Variants in CNTNAP2 observed in about 807,000 individuals in gnomAD.
CNTNAP2 encodes the protein contactin associated protein 2, also known as contactin-associated protein-like 2.
A neutral mutation model predicts 155.2 loss-of-function variants in CNTNAP2; 98 were observed. The ratio of observed to expected loss-of-function variants is 0.63; its 90% CI spans 0.54 to 0.75. CNTNAP2 has a LOEUF of 0.75. Among genes scored for constraint, CNTNAP2 ranks in the 30% least tolerant of loss-of-function variants. The pLI is 0.00. For missense variants in CNTNAP2, 1,727 were observed against 1,688.1 expected, an observed-to-expected ratio of 1.02 and a Z score of -0.40; for synonymous variants, 651 against 631.2, an observed-to-expected ratio of 1.03 and a Z score of -0.47.
At chr7:147,745,348 T>G (rs1176930071) in intron 13 of CNTNAP2, among the ~76,000 whole-genome samples, 1 of 152,208 alleles carries the variant, frequency 6.6e-6, no homozygotes, top group Admixed American at 6.5e-5. Flanking sequence ...CCTCTCCAGT[T>G]CAAGTATGTA....
intron 15 of CNTNAP2, among the ~76,000 whole-genome samples, chr7:148,055,370 T>C (rs1205602983): frequency 6.6e-6 from 1 of 152,228 alleles, no homozygotes; most frequent in Non-Finnish European, 1.5e-5. Flanking sequence ...GAAATTATTC[T>C]TCTGTTTTCT....
chr7:147,093,072 CATATAT>C (rs10596701), intron 4 of CNTNAP2, among the ~76,000 whole-genome samples: 1 of 144,638 alleles, frequency 6.9e-6, no homozygotes. Flanking sequence ...AATACAAATA[CATATAT>C]ATATATATAT....
At chr7:147,131,969 A>T (rs1044908514) in intron 7 of CNTNAP2, among the ~76,000 whole-genome samples, 1 of 152,032 alleles carries the variant, frequency 6.6e-6, no homozygotes, top group African/African-American at 2.4e-5. Context: ...ACTCATGGTC[A>T]GCCTATCACA....
At chr7:147,650,441 A>G (rs1795432588) in intron 13 of CNTNAP2, among the ~76,000 whole-genome samples, 1 of 152,132 alleles carries the variant, frequency 6.6e-6, no homozygotes, top group South Asian at 2.1e-4. Flanking sequence ...ACCACCTCTG[A>G]GACAGCAAGA....
intron 15 of CNTNAP2, among the ~76,000 whole-genome samples, chr7:148,109,751 C>T (rs1804306076): frequency 6.6e-6 from 1 of 152,192 alleles, no homozygotes; most frequent in South Asian, 2.1e-4. Flanking sequence ...TTTTCCAGAG[C>T]TTACATACCT....
intron 3 of CNTNAP2, among the ~76,000 whole-genome samples, chr7:147,019,134 T>C (rs187331963): frequency 1.3e-5 from 2 of 152,228 alleles, no homozygotes; most frequent in Admixed American, 6.5e-5. Flanking sequence ...ACTGAGAGTT[T>C]GTTGTCCAAT....
chr7:146,964,967 CA>C (rs1446319456), intron 3 of CNTNAP2, among the ~76,000 whole-genome samples: 7 of 139,898 alleles, frequency 5.0e-5, no homozygotes, highest in African/African-American at 1.8e-4. Context: ...ATAAAAAAAA[CA>C]AAACAAAACA....
intron 3 of CNTNAP2, among the ~76,000 whole-genome samples, chr7:147,028,509 G>C (rs1798965019): frequency 6.6e-6 from 1 of 152,162 alleles, no homozygotes; most frequent in African/African-American, 2.4e-5. Context: ...GCACCGTAGA[G>C]GTATAGCTAA....
chr7:148,247,602 TC>T (rs1796287597), intron 20 of CNTNAP2, among the ~76,000 whole-genome samples: 1 of 111,074 alleles, frequency 9.0e-6, no homozygotes, highest in Non-Finnish European at 1.7e-5. Flanking sequence ...CCATTCTCTC[TC>T]TCTCTCTCTC....
intron 20 of CNTNAP2, among the ~76,000 whole-genome samples, chr7:148,238,471 T>C (rs1246583413): frequency 6.6e-6 from 1 of 152,250 alleles, no homozygotes; most frequent in African/African-American, 2.4e-5. Context: ...TCTTTGCAAG[T>C]GGGCAAGAGA....
intron 10 of CNTNAP2, among the ~76,000 whole-genome samples, chr7:147,413,301 T>A (rs1055610805): frequency 6.6e-5 from 10 of 152,162 alleles, no homozygotes; most frequent in African/African-American, 2.4e-4. Flanking sequence ...ATGGAAGCGT[T>A]GGAGAAAAGT....
At chr7:146,658,519 TA>T (rs1188991234) in intron 1 of CNTNAP2, among the ~76,000 whole-genome samples, 2 of 152,108 alleles carry the variant, frequency 1.3e-5, no homozygotes, top group Non-Finnish European at 2.9e-5. Flanking sequence ...ATGGACATTT[TA>T]AAAAAACATT....
At chr7:147,286,063 G>C (rs1805167532) in intron 8 of CNTNAP2, among the ~76,000 whole-genome samples, 1 of 151,930 alleles carries the variant, frequency 6.6e-6, no homozygotes, top group Admixed American at 6.6e-5. Flanking sequence ...ACTCCATAAA[G>C]TCTGGAATCA....
intron 11 of CNTNAP2, among the ~76,000 whole-genome samples, chr7:147,487,414 A>T (rs1798529252): frequency 6.6e-6 from 1 of 152,180 alleles, no homozygotes; most frequent in Non-Finnish European, 1.5e-5. Flanking sequence ...CAAAATATTA[A>T]CCTCCAGTAT....
chr7:148,301,273 G>A (rs991008292), intron 21 of CNTNAP2, among the ~76,000 whole-genome samples: 24 of 131,242 alleles, frequency 1.8e-4, no homozygotes, highest in Non-Finnish European at 3.1e-4. Flanking sequence ...CAGCCTGGGT[G>A]ACAAGGCGAG....
At chr7:146,135,594 G>C (rs1325964848) in intron 1 of CNTNAP2, among the ~76,000 whole-genome samples, 1 of 152,026 alleles carries the variant, frequency 6.6e-6, no homozygotes, top group Non-Finnish European at 1.5e-5. Context: ...ATACATATGA[G>C]TGTGGTGCTT....
At chr7:148,096,716 C>G (rs1039863674) in intron 15 of CNTNAP2, among the ~76,000 whole-genome samples, 3 of 152,060 alleles carry the variant, frequency 2.0e-5, no homozygotes, top group African/African-American at 4.8e-5. Context: ...GAGTAATTTT[C>G]CCATTTATAC....
chr7:147,170,955 G>A (rs535756342), intron 8 of CNTNAP2, among the ~76,000 whole-genome samples: 2 of 152,292 alleles, frequency 1.3e-5, no homozygotes, highest in Non-Finnish European at 2.9e-5. Flanking sequence ...CTCAGAGGGA[G>A]ATGGAGAGCC....
rs1803321682 is a variant in CNTNAP2 at position 147,218,407 on chromosome 7, A to C, written c.1349-81734A>C. Among the ~76,000 whole-genome samples, 3 of 151,822 alleles carry C rather than the reference A, an allele frequency of 2.0e-5. No homozygotes were observed. In the South Asian group the frequency reaches 6.2e-4, roughly 32 times the overall value. ...TTCATTTTACCCATGTGTTATTTAG[A>C]AGTGTGTTCATTGTTTAATCTCCAT... is the stretch of plus-strand genomic sequence containing the variant. On this transcript the variant is annotated intron_variant, in intron 8 of 23. Coordinates refer to ENST00000361727, the MANE Select transcript of CNTNAP2 (RefSeq NM_014141.6).
Sources: allele counts gnomAD v4.1 joint callset (sites outside exome capture counted in the v4.1 genomes callset), GRCh38; gene constraint gnomAD v4.1.1; transcripts MANE v1.5; gene names NCBI Gene and HGNC (gene_info 2026-07-23, HGNC 2026-07-21).